Variants in ZMYND8 observed in about 807,000 individuals in gnomAD.
The protein encoded by ZMYND8 is zinc finger MYND-type containing 8.
A neutral mutation model predicts 140.8 loss-of-function variants in ZMYND8; 37 were observed. The ratio of observed to expected loss-of-function variants is 0.26; its 90% CI spans 0.20 to 0.35. The LOEUF is 0.35. ZMYND8 is among the 10% of genes least tolerant of loss of function. The probability of loss-of-function intolerance (pLI) is 1.00; values close to 1 mark genes in which losing one functional copy is unlikely to be tolerated. For synonymous variants in ZMYND8, 592 were observed against 597.1 expected (o/e 0.99, Z 0.12); for missense variants, 1,068 against 1,570.0 (o/e 0.68, Z 5.40).
intron 18 of ZMYND8, 52 bp downstream of exon 18, chr20:47,227,151 G>C (rs1186771581): frequency 3.2e-6 from 5 of 1,581,128 alleles, no homozygotes; most frequent in Non-Finnish European, 4.3e-6. Flanking sequence ...GAGGTGCAAA[G>C]AAGTTCACAC....
At chr20:47,347,257 C>T (rs2082413198) in intron 2 of ZMYND8, among the ~76,000 whole-genome samples, 1 of 152,194 alleles carries the variant, frequency 6.6e-6, no homozygotes, top group African/African-American at 2.4e-5. Context: ...AAATCTCTTT[C>T]ACAAAGACCA....
At chr20:47,242,384 G>A (rs996315705) in intron 14 of ZMYND8, among the ~76,000 whole-genome samples, 4 of 152,166 alleles carry the variant, frequency 2.6e-5, no homozygotes, top group Non-Finnish European at 5.9e-5. Context: ...GAAGAACTCC[G>A]ATGCTTCCAG....
rs531812290 is a variant in ZMYND8, at chr20:47,286,836, G to C, written c.804+393C>G. Reference sequence around the variant, plus strand: ...CACCTGGGCCACTCTCCCAGAAGCAGTCAAGGCCATGCCCCCAGATATCAA... The same window carrying C: ...CACCTGGGCCACTCTCCCAGAAGCACTCAAGGCCATGCCCCCAGATATCAA... On this transcript the variant is annotated intron_variant, in intron 8 of 22. Transcript: ENST00000471951. 2.7e-4 allele frequency among the ~76,000 whole-genome samples: 41 copies of C among 152,336 alleles called. 1 individual carries two copies. The South Asian group carries it at 8.5e-3, about 32-fold the overall frequency.
In ZMYND8 at chr20:47,291,265, T is replaced by C. The variant is rs1037237802; in HGVS notation, c.660+531A>G. On this transcript the variant is annotated intron_variant, in intron 6 of 22. Coordinates refer to ENST00000471951, the MANE Select transcript of ZMYND8 (RefSeq NM_001281775.3). Reference sequence around the variant, plus strand: ...GCTGCAAATAGTTGGAAAATCAGCATCAGAATAATGTGCACAATCTACAGT... The same window carrying C: ...GCTGCAAATAGTTGGAAAATCAGCACCAGAATAATGTGCACAATCTACAGT... 2.6e-5 allele frequency among the ~76,000 whole-genome samples: 4 copies of C among 152,336 alleles called. No individual in the cohort carries two copies. The East Asian group carries it at 7.7e-4, about 29-fold the overall frequency.
At chr20:47,231,946 C>T (rs1449010144) in intron 16 of ZMYND8, among the ~76,000 whole-genome samples, 1 of 152,226 alleles carries the variant, frequency 6.6e-6, no homozygotes, top group Non-Finnish European at 1.5e-5. Flanking sequence ...CGGTAAAGAA[C>T]ACCACTTTGC....
intron 7 of ZMYND8, 114 bp from the exon 8 acceptor site, chr20:47,287,398 T>C: frequency 1.1e-6 from 1 of 901,726 alleles, no homozygotes; most frequent in Non-Finnish European, 1.8e-6. Context: ...GATTAAGCTT[T>C]TAAAGGCTAA....
chr20:47,275,778 T>C (rs1430000665), intron 11 of ZMYND8, among the ~76,000 whole-genome samples: 2 of 151,992 alleles, frequency 1.3e-5, no homozygotes, highest in Non-Finnish European at 2.9e-5. Flanking sequence ...CAGCTAATTT[T>C]TGTATTTTTG....
At chr20:47,221,212 C>T in intron 20 of ZMYND8, 102 bp downstream of exon 20, 1 of 1,479,134 alleles carries the variant, frequency 6.8e-7, no homozygotes, top group Non-Finnish European at 9.1e-7. Context: ...TTAGGACAAG[C>T]CTCCCACAAC....
intron 13 of ZMYND8, among the ~76,000 whole-genome samples, chr20:47,248,754 G>A (rs2073929780): frequency 6.6e-6 from 1 of 152,228 alleles, no homozygotes. Flanking sequence ...GGGCAGTCAG[G>A]GGAGACTTCC....
intron 11 of ZMYND8, among the ~76,000 whole-genome samples, chr20:47,268,441 C>A (rs1483404193): frequency 6.6e-6 from 1 of 151,522 alleles, no homozygotes; most frequent in Non-Finnish European, 1.5e-5. Context: ...TTACAGGCGC[C>A]CGCCACCATG....
At position 47,266,538 on chromosome 20, in the gene ZMYND8, T is replaced by C. The variant is rs149643326; in HGVS notation, c.1481-4110A>G. Among the ~76,000 whole-genome samples, 799 of 152,226 alleles carry C rather than the reference T, an allele frequency of 5.2e-3. 6 individuals are homozygous for C. The highest frequency in any genetic ancestry group is 0.045 in the South Asian group (218 of 4,820). ...CTCAGGTGATCTACCCACCTAGGCC[T>C]CCCAAAGTGCTGGGATTACAGATGT... On this transcript the variant is annotated intron_variant, in intron 11 of 22. Coordinates refer to ENST00000471951, the MANE Select transcript of ZMYND8 (RefSeq NM_001281775.3).
In ZMYND8 at chr20:47,340,422, T is replaced by C. The variant is rs543737079; in HGVS notation, c.85+7434A>G. ...TGAGCCCAGGAGTTAGAGGCTATAGTGTACTATGATGGCAACTGTGAATAA... is the reference window on the plus strand; with the variant it reads ...TGAGCCCAGGAGTTAGAGGCTATAGCGTACTATGATGGCAACTGTGAATAA... On this transcript the variant is annotated intron_variant, in intron 2 of 22. Coordinates refer to ENST00000471951, the MANE Select transcript of ZMYND8 (RefSeq NM_001281775.3). Among the ~76,000 whole-genome samples, 71 of 150,312 alleles carry C rather than the reference T, an allele frequency of 4.7e-4. No homozygotes were observed. In the South Asian group the frequency reaches 9.5e-3, roughly 20 times the overall value.
At chr20:47,317,616 G>A (rs2148311040) in intron 2 of ZMYND8, among the ~76,000 whole-genome samples, 1 of 152,332 alleles carries the variant, frequency 6.6e-6, no homozygotes, top group South Asian at 2.1e-4. Context: ...GAGAAGCTTG[G>A]TCCACAGGCT....
intron 12 of ZMYND8, among the ~76,000 whole-genome samples, chr20:47,258,771 G>A (rs1366621282): frequency 6.6e-6 from 1 of 152,108 alleles, no homozygotes; most frequent in Non-Finnish European, 1.5e-5. Context: ...TCCCTGGGCA[G>A]TCACTGGAGA....
chr20:47,220,389 A>C, intron 20 of ZMYND8, 65 bp from the exon 21 acceptor site: 7 of 1,326,518 alleles, frequency 5.3e-6, no homozygotes, highest in Non-Finnish European at 7.4e-6. Flanking sequence ...CCACAGGGAA[A>C]TCCAGGGAGT....
intron 2 of ZMYND8, among the ~76,000 whole-genome samples, chr20:47,337,259 C>T (rs893411401): frequency 1.1e-4 from 17 of 151,860 alleles, no homozygotes; most frequent in African/African-American, 3.9e-4. Flanking sequence ...GGCTGAGACA[C>T]GAGAATCAAT....
intron 7 of ZMYND8, among the ~76,000 whole-genome samples, chr20:47,287,841 C>CA (rs2077018102): frequency 9.7e-6 from 1 of 102,680 alleles, no homozygotes; most frequent in Admixed American, 8.8e-5. Flanking sequence ...AAAAACAACA[C>CA]ACACACACAC....
chr20:47,237,480 T>A (rs890071965), intron 15 of ZMYND8: 1 of 152,038 alleles, frequency 6.6e-6, no homozygotes, highest in African/African-American at 2.4e-5. Context: ...GCAATTAAAC[T>A]CCCCTGGGGA....
chr20:47,331,270 A>C (rs1474026050), intron 2 of ZMYND8, among the ~76,000 whole-genome samples: 1 of 152,214 alleles, frequency 6.6e-6, no homozygotes. Context: ...GCAGATAGAG[A>C]TAGTGAGAAC....
Sources: gnomAD v4.1 joint callset for allele counts (sites outside exome capture counted in the v4.1 genomes callset) on GRCh38, gnomAD v4.1.1 for gene constraint, MANE v1.5 for transcripts, NCBI Gene and HGNC (gene_info 2026-07-23, HGNC 2026-07-21) for gene names.